The following PLOD2 variants were observed in gnomAD, a reference collection of about 807,000 sequenced individuals.
The protein encoded by PLOD2 is procollagen-lysine,2-oxoglutarate 5-dioxygenase 2.
Under a neutral mutation model 101.0 loss-of-function variants are expected in PLOD2, and 65 were observed. The ratio of observed to expected loss-of-function variants is 0.64; its 90% confidence interval spans 0.53 to 0.79. The LOEUF (loss-of-function observed/expected upper bound fraction) is 0.79, where lower values mean the gene tolerates loss of function less well. Among genes scored for constraint, PLOD2 ranks in the 30% least tolerant of loss-of-function variants. The probability of loss-of-function intolerance (pLI) is 0.00; values close to 1 mark genes in which losing one functional copy is unlikely to be tolerated. For missense variants in PLOD2, 909 were observed against 914.6 expected (o/e 0.99, Z 0.08); for synonymous variants, 314 against 302.9 (o/e 1.04, Z -0.38).
intron 5 of PLOD2, 132 bp from the exon 6 acceptor site, chr3:146,104,474 A>G (rs1446756121): frequency 1.6e-6 from 1 of 626,496 alleles, no homozygotes; most frequent in South Asian, 2.0e-5. Context: ...TCTAATCAAA[A>G]TATTTAGATG....
intron 12 of PLOD2, 84 bp downstream of exon 12, chr3:146,081,654 C>CA (rs1478762760): frequency 1.0e-4 from 121 of 1,203,718 alleles, no homozygotes; most frequent in Middle Eastern, 1.9e-4. Context: ...GAGATGAATG[C>CA]AAAAAAAATT....
intron 1 of PLOD2, among the ~76,000 whole-genome samples, chr3:146,142,226 G>GT (rs1210855178): frequency 6.6e-6 from 1 of 152,068 alleles, no homozygotes; most frequent in Non-Finnish European, 1.5e-5. Context: ...AAAGGAACTA[G>GT]TTTTTTTATT....
At chr3:146,138,305 C>T (rs555356938) in intron 1 of PLOD2, among the ~76,000 whole-genome samples, 1 of 151,654 alleles carries the variant, frequency 6.6e-6, no homozygotes, top group Non-Finnish European at 1.5e-5. Context: ...TAAGCCTCTG[C>T]CATCATGGAG....
rs1936053424 is a variant in PLOD2, at chr3:146,069,715, T to C, written c.*1002A>G. On this transcript the variant is annotated 3_prime_UTR_variant, in exon 20 of 20. Transcript: ENST00000282903. ...TATGCCAGGAAGATAAAAAAGCAAA[T>C]AACCCTCCCCCCAAAAAAAGAATAA... 6.6e-6 allele frequency: 1 copy of C among 151,480 alleles called. No individual in the cohort carries two copies. Among genetic ancestry groups the C allele is most frequent in the African/African-American group, 2.4e-5 (1 of 41,180 alleles). The allele number at this position is 151,480 out of a possible 1,614,324, so 9.4% of individuals were successfully genotyped here.
chr3:146,089,552 A>G (rs971088296), intron 8 of PLOD2, among the ~76,000 whole-genome samples: 1 of 151,672 alleles, frequency 6.6e-6, no homozygotes, highest in African/African-American at 2.4e-5. Context: ...CAAAAGAATT[A>G]CAAATATTTT....
At chr3:146,094,215 C>A (rs1576587632) in intron 7 of PLOD2, among the ~76,000 whole-genome samples, 1 of 152,286 alleles carries the variant, frequency 6.6e-6, no homozygotes, top group Non-Finnish European at 1.5e-5. Context: ...CTTTTCCGCC[C>A]AAATCCTTTC....
At chr3:146,138,895 C>A (rs902758485) in intron 1 of PLOD2, among the ~76,000 whole-genome samples, 9 of 151,846 alleles carry the variant, frequency 5.9e-5, no homozygotes, top group African/African-American at 2.2e-4. Flanking sequence ...ACTGTGTTGC[C>A]CAACTTTAAA....
Position 146,115,661 on chromosome 3 carries a change from C to T in PLOD2, c.339-5213G>A, listed in dbSNP as rs1030673241. Among the ~76,000 whole-genome samples the T allele has an allele frequency of 5.3e-5, 8 of 152,162 alleles. No homozygotes were observed. The South Asian group carries it at 1.2e-3, about 24-fold the overall frequency. ...CTACATTACCCATCTCTTCCTCACTCATAAATAAGACTGTCTGACAAACTA... is the reference window on the plus strand; with the variant it reads ...CTACATTACCCATCTCTTCCTCACTTATAAATAAGACTGTCTGACAAACTA... On this transcript the variant is annotated intron_variant, in intron 3 of 19. Coordinates refer to ENST00000282903, the MANE Select transcript of PLOD2 (RefSeq NM_182943.3).
intron 1 of PLOD2, among the ~76,000 whole-genome samples, chr3:146,150,415 G>C (rs915930848): frequency 1.3e-5 from 2 of 152,034 alleles, no homozygotes; most frequent in African/African-American, 4.8e-5. Context: ...ATGAGATCAT[G>C]TTTTTTGCGA....
At chr3:146,093,533 GA>G (rs1937049455) in intron 7 of PLOD2, among the ~76,000 whole-genome samples, 1 of 152,120 alleles carries the variant, frequency 6.6e-6, no homozygotes, top group Admixed American at 6.5e-5. Flanking sequence ...GGTTTTGAAG[GA>G]AAAATATCTA....
rs771413920 is a variant in PLOD2, at chr3:146,086,873, A to G, written c.1041T>C (p.Phe347=). 2.0e-6 allele frequency: 3 copies of G among 1,525,862 alleles called. No homozygotes were observed. Among genetic ancestry groups the G allele is most frequent in the Non-Finnish European group, 1.8e-6 (2 of 1,113,490 alleles). 94.5% of individuals were successfully genotyped at this position (1,525,862 alleles called of 1,614,324 possible). Residue 347 remains phenylalanine (F), a synonymous_variant, in exon 10 of 20, where the codon TTT becomes TTC. Transcript: ENST00000282903. ...TTTTGATTTCATGCTTAGCTTTATCAAAAAATACCTTGATGTCCTTTTCAT... is the reference window on the plus strand; with the variant it reads ...TTTTGATTTCATGCTTAGCTTTATCGAAAAATACCTTGATGTCCTTTTCAT... ...VYHEKDIKVF[F]DKAKHEIKTI...
At chr3:146,097,809 T>A (rs138926595) in intron 7 of PLOD2, among the ~76,000 whole-genome samples, 19,087 of 94,274 alleles carry the variant, frequency 0.2, 1,505 homozygotes, top group Admixed American at 0.28. Flanking sequence ...AAAAAAATAA[T>A]AATAATAATA....
At chr3:146,102,698 A>C (rs1937431016) in intron 7 of PLOD2, 57 bp downstream of exon 7, 1 of 859,662 alleles carries the variant, frequency 1.2e-6, no homozygotes, top group Admixed American at 1.8e-5. Flanking sequence ...GACATTCCAC[A>C]TATCAATCCA....
chr3:146,137,653 C>A (rs1390830877), intron 1 of PLOD2, among the ~76,000 whole-genome samples: 5 of 152,122 alleles, frequency 3.3e-5, no homozygotes, highest in Admixed American at 6.5e-5. Flanking sequence ...AGAACAACTA[C>A]CCAAATACTT....
At chr3:146,158,135 A>T (rs1446783760) in intron 1 of PLOD2, among the ~76,000 whole-genome samples, 1 of 152,156 alleles carries the variant, frequency 6.6e-6, no homozygotes, top group Non-Finnish European at 1.5e-5. Flanking sequence ...AAGACTTGGC[A>T]GGAATACATC....
At chr3:146,090,548 G>C (rs1193780434) in intron 8 of PLOD2, among the ~76,000 whole-genome samples, 1 of 151,620 alleles carries the variant, frequency 6.6e-6, no homozygotes, top group South Asian at 2.1e-4. Flanking sequence ...AAAAAGATCA[G>C]GATAAATTTT....
intron 1 of PLOD2, 55 bp downstream of exon 1, chr3:146,160,826 C>T: frequency 1.8e-6 from 2 of 1,124,774 alleles, no homozygotes; most frequent in Non-Finnish European, 2.6e-6. Context: ...GATGAATGAA[C>T]TGCCCCCCCG....
chr3:146,092,121 T>G (rs1327267750), intron 7 of PLOD2, among the ~76,000 whole-genome samples: 1 of 151,916 alleles, frequency 6.6e-6, no homozygotes, highest in Non-Finnish European at 1.5e-5. Context: ...AAAAAAGTCT[T>G]ATAAATCATA....
chr3:146,122,438 A>G (rs935066841), intron 2 of PLOD2, among the ~76,000 whole-genome samples: 1 of 152,082 alleles, frequency 6.6e-6, no homozygotes, highest in African/African-American at 2.4e-5. Context: ...GTTAAGCACC[A>G]CCCTCTATGT....
Sources: gnomAD v4.1 joint callset for allele counts (sites outside exome capture counted in the v4.1 genomes callset) on GRCh38, gnomAD v4.1.1 for gene constraint, MANE v1.5 for transcripts, NCBI Gene and HGNC (gene_info 2026-07-23, HGNC 2026-07-21) for gene names.